The following RSKR variants were observed in gnomAD, a reference collection of about 807,000 sequenced individuals.
RSKR encodes ribosomal protein S6 kinase-related protein.
A neutral mutation model predicts 56.8 loss-of-function variants in RSKR; 44 were observed. That is an observed-to-expected ratio of 0.77 (90% CI 0.61 to 1.00). The LOEUF (loss-of-function observed/expected upper bound fraction) is 1.00, where lower values mean the gene tolerates loss of function less well. RSKR is among the 50% of genes least tolerant of loss of function. The pLI is 0.00. For missense variants in RSKR, 510 were observed against 506.9 expected (o/e 1.01, Z -0.06); for synonymous variants, 181 against 188.0 (o/e 0.96, Z 0.30).
In RSKR at chr17:28,610,307, G is replaced by A. The variant is rs1178135505; in HGVS notation, c.*171C>T. On this transcript the variant is annotated 3_prime_UTR_variant, in exon 12 of 12. Coordinates refer to ENST00000301037, the MANE Select transcript of RSKR (RefSeq NM_001174103.2). ...TAGGGAAGGAATAGGGCCAGCTGTG[G>A]CTGCCAGTAGCAGAATGTCCAGGTT... 3.2e-6 allele frequency: 2 copies of A among 621,356 alleles called. No individual in the cohort carries two copies. The highest frequency in any genetic ancestry group is 3.7e-5 in the African/African-American group (2 of 54,202). The allele number at this position is 621,356 out of a possible 1,614,324, so 38.5% of individuals were successfully genotyped here.
Position 28,613,266 on chromosome 17 carries a change from A to G in RSKR, c.404T>C (p.Val135Ala). 1 of 1,614,168 alleles carries G rather than the reference A, an allele frequency of 6.2e-7. No homozygotes were observed. The highest frequency in any genetic ancestry group is 8.5e-7 in the Non-Finnish European group (1 of 1,180,022). ...LDCTQKAVFAVKVVPKVKVLQ... is the reference protein window; with the variant it reads ...LDCTQKAVFAAKVVPKVKVLQ... ...ATGTGGTATCTACGCCCCTACCTTC[A>G]CTGCAAATACAGCTTTCTGGGTGCA... Residue 135 changes from valine (V) to alanine (A), a missense_variant, in exon 3 of 12, where the codon GTG becomes GCG. By Grantham distance (64) the Val-to-Ala change is moderately conservative (BLOSUM62 0). Coordinates refer to ENST00000301037, the MANE Select transcript of RSKR (RefSeq NM_001174103.2).
chr17:28,610,843 G>C, intron 11 of RSKR, 144 bp from the exon 12 acceptor site: 2 of 864,094 alleles, frequency 2.3e-6, no homozygotes, highest in South Asian at 1.8e-5. Flanking sequence ...AAAAGAGGGA[G>C]AAATAGAGGC....
rs1034217849 is a variant in RSKR at position 28,611,236 on chromosome 17, C to T, written c.918G>A (p.Glu306=). Reference sequence around the variant, plus strand: ...TTGCCAACATGGCCACATGATCTCTCTCTGCAGCCACTGGAAACTGAGTTA... The same window carrying T: ...TTGCCAACATGGCCACATGATCTCTTTCTGCAGCCACTGGAAACTGAGTTA... ...LATGKFPVAA[E]RDHVAMLASV... The change falls in exon 11 of 12, where the codon GAG becomes GAA. Residue 306 remains glutamate (E), a synonymous_variant. Coordinates refer to ENST00000301037, the MANE Select transcript of RSKR (RefSeq NM_001174103.2). 58 of 1,536,034 alleles carry T rather than the reference C, an allele frequency of 3.8e-5. No individual in the cohort carries two copies. The highest frequency in any genetic ancestry group is 4.2e-5 in the Non-Finnish European group (48 of 1,146,806).
chr17:28,610,919 C>T, intron 11 of RSKR: 1 of 651,996 alleles, frequency 1.5e-6, no homozygotes, highest in Non-Finnish European at 2.6e-6. Context: ...GTACAGTGTT[C>T]CACTCTCTCA....
chr17:28,611,948 A>G (rs1287338980), intron 7 of RSKR, 96 bp downstream of exon 7: 4 of 1,613,060 alleles, frequency 2.5e-6, no homozygotes, highest in African/African-American at 2.7e-5. Flanking sequence ...GGGGGCCCCA[A>G]TGTCTACAGT....
In RSKR at chr17:28,612,648, T is replaced by C. The variant is rs147269427; in HGVS notation, c.517A>G (p.Ser173Gly). The change falls in exon 5 of 12, where the codon AGC becomes GGC. Residue 173 changes from serine to glycine, a missense_variant. Physicochemically the swap from Ser to Gly is moderately conservative, Grantham distance 56. Coordinates refer to ENST00000301037, the MANE Select transcript of RSKR (RefSeq NM_001174103.2). Reference sequence around the variant, plus strand: ...AAAAGGTGCCGTTTTCCCTGCCAGCTGTCCCCCAAGCTGTGTACAAAGGGA... The same window carrying C: ...AAAAGGTGCCGTTTTCCCTGCCAGCCGTCCCCCAAGCTGTGTACAAAGGGA... ...NHPFVHSLGDSWQGKRHLFIM... is the reference protein window; with the variant it reads ...NHPFVHSLGDGWQGKRHLFIM... 2,970 of 1,614,180 alleles carry C rather than the reference T, an allele frequency of 1.8e-3. 18 individuals carry two copies. Among genetic ancestry groups the C allele is most frequent in the South Asian group, 4.8e-3 (438 of 91,082 alleles).
At chr17:28,613,781 A>AC in intron 1 of RSKR, 93 bp from the exon 2 acceptor site, 2 of 1,541,352 alleles carry the variant, frequency 1.3e-6, no homozygotes, top group Non-Finnish European at 1.7e-6. Context: ...TTAAGTCTCA[A>AC]CCCCTAGAGG....
chr17:28,613,757 G>A, intron 1 of RSKR, 69 bp from the exon 2 acceptor site: 1 of 1,590,848 alleles, frequency 6.3e-7, no homozygotes, highest in Admixed American at 1.7e-5. Flanking sequence ...CATCTTACTA[G>A]GCACTCCCTC....
In RSKR at chr17:28,613,534, T is replaced by G; in HGVS notation, c.230A>C (p.Glu77Ala). Residue 77 changes from glutamate (E) to alanine (A), a missense_variant, in exon 2 of 12, where the codon GAG becomes GCG. Physicochemically the swap from Glu to Ala is moderately radical, Grantham distance 107. Transcript: ENST00000301037. ...CACTGGCCACTCTGGCAGAGGCTTC[T>G]CTACCAGTACTGGGGCTGGCTTTAG... is the stretch of plus-strand genomic sequence containing the variant. Reference protein sequence around the residue: ...ESLKPAPVLVEKPLPEWPVPQ... With the variant: ...ESLKPAPVLVAKPLPEWPVPQ... 5.6e-6 allele frequency: 9 copies of G among 1,614,226 alleles called. No homozygotes were observed. Among genetic ancestry groups the G allele is most frequent in the Non-Finnish European group, 7.6e-6 (9 of 1,180,036 alleles).
rs753887431 is a variant in RSKR at position 28,612,603 on chromosome 17, A to T, written c.547+15T>A. On this transcript the variant is annotated intron_variant, in intron 5 of 11. Transcript: ENST00000301037. ...CAAAGACCCTGGGGGATGAGGAGAG[A>T]GTCCAGTCACTCACTAATGAAAAGG... 6.2e-7 allele frequency: 1 copy of T among 1,613,532 alleles called. No homozygotes were observed. Among genetic ancestry groups the T allele is most frequent in the Non-Finnish European group, 8.5e-7 (1 of 1,179,484 alleles).
At position 28,610,375 on chromosome 17, in the gene RSKR, C is replaced by T; in HGVS notation, c.*103G>A. 1 of 1,085,262 alleles carries T rather than the reference C, an allele frequency of 9.2e-7. No individual in the cohort carries two copies. The highest frequency in any genetic ancestry group is 2.8e-4 in the Middle Eastern group (1 of 3,636). 67.2% of individuals were successfully genotyped at this position (1,085,262 alleles called of 1,614,324 possible). ...CCTAGGAGAGCAGAACGGTAAGAGG[C>T]TACAAAATAAAAACAAACTGGATTA... On this transcript the variant is annotated 3_prime_UTR_variant, in exon 12 of 12. Coordinates refer to ENST00000301037, the MANE Select transcript of RSKR (RefSeq NM_001174103.2).
Position 28,611,162 on chromosome 17 carries a change from A to G in RSKR, c.992T>C (p.Leu331Pro), listed in dbSNP as rs1024947197. ...CCTTACCTCATGGAGCAGGAGTGAG[A>G]GGCCCTGGTTAAGAGAAGCTGGGAT... is the stretch of plus-strand genomic sequence containing the variant. ...SEIPASLNQG[L>P]SLLLHELLCQ... is the part of the protein sequence containing the mutation. Residue 331 changes from leucine to proline, a missense_variant, in exon 11 of 12, where the codon CTC becomes CCC. By Grantham distance (98) the Leu-to-Pro change is moderately conservative. Coordinates refer to ENST00000301037, the MANE Select transcript of RSKR (RefSeq NM_001174103.2). 6 of 1,536,312 alleles carry G rather than the reference A, an allele frequency of 3.9e-6. No homozygotes were observed. Among genetic ancestry groups the G allele is most frequent in the Non-Finnish European group, 5.2e-6 (6 of 1,146,860 alleles).
intron 11 of RSKR, 100 bp downstream of exon 11, chr17:28,611,043 C>T: frequency 8.9e-7 from 1 of 1,121,330 alleles, no homozygotes; most frequent in Non-Finnish European, 1.3e-6. Context: ...GGAGCCCCCT[C>T]AAAAAAACTG....
At chr17:28,610,726 G>T (rs763127770) in intron 11 of RSKR, 27 bp from the exon 12 acceptor site, 130 of 1,529,196 alleles carry the variant, frequency 8.5e-5, no homozygotes, top group Admixed American at 2.0e-5. Context: ...CATGAAGGAT[G>T]AGTGACTAGG....
Position 28,608,345 on chromosome 17 carries a change from T to C in RSKR, c.*2133A>G, listed in dbSNP as rs2070770121. 1 of 152,190 alleles carries C rather than the reference T, an allele frequency of 6.6e-6. No homozygotes were observed. The highest frequency in any genetic ancestry group is 1.9e-4 in the East Asian group (1 of 5,204). The allele number at this position is 152,190 out of a possible 1,614,324, so 9.4% of individuals were successfully genotyped here. On this transcript the variant is annotated 3_prime_UTR_variant, in exon 12 of 12. Transcript: ENST00000301037. ...GTTACGATAAACACCCTTTACAGTA[T>C]CCACAGCAATTAAATTTATTTTTTT... is the stretch of plus-strand genomic sequence containing the variant.
intron 10 of RSKR, 70 bp from the exon 11 acceptor site, chr17:28,611,323 C>T (rs1567633050): frequency 3.9e-6 from 6 of 1,530,118 alleles, no homozygotes; most frequent in Non-Finnish European, 4.4e-6. Context: ...GGCAAGATTT[C>T]CTAAGGTCTT....
At position 28,608,853 on chromosome 17, in the gene RSKR, T is replaced by C. The variant is rs1321597601; in HGVS notation, c.*1625A>G. On this transcript the variant is annotated 3_prime_UTR_variant, in exon 12 of 12. Transcript: ENST00000301037. ...AGAGATTAGATGTAACTAAATAATA[T>C]GGTCTAGATTAAAACTTACTTTCCC... 1 of 151,990 alleles carries C rather than the reference T, an allele frequency of 6.6e-6. No individual in the cohort carries two copies. The highest frequency in any genetic ancestry group is 1.9e-4 in the East Asian group (1 of 5,190). The allele number at this position is 151,990 out of a possible 1,614,324, so 9.4% of individuals were successfully genotyped here. A position where few individuals can be genotyped will look rare whatever the true frequency, so the allele number is the denominator to read the frequency against.
chr17:28,610,617 T>C lies in RSKR; in HGVS notation c.1094A>G (p.Asp365Gly). Residue 365 changes from aspartate (D) to glycine (G), a missense_variant, in exon 12 of 12, where the codon GAC becomes GGC. Coordinates refer to ENST00000301037, the MANE Select transcript of RSKR (RefSeq NM_001174103.2). ...TGGCTGCTTCTGTAGGAGCTCTGGG[T>C]CGAAGGCCACACCCCGAAAGAAAGG... Reference protein sequence around the residue: ...VHPFFRGVAFDPELLQKQPVN... With the variant: ...VHPFFRGVAFGPELLQKQPVN... The C allele has an allele frequency of 3.3e-6, 5 of 1,535,892 alleles. No individual in the cohort carries two copies. The Admixed American group carries it at 5.9e-5, about 18-fold the overall frequency.
rs2070788102 is a variant in RSKR, at chr17:28,609,869, A to G, written c.*609T>C. 1 of 152,214 alleles carries G rather than the reference A, an allele frequency of 6.6e-6. No individual in the cohort carries two copies. The highest frequency in any genetic ancestry group is 2.4e-5 in the African/African-American group (1 of 41,298). 9.4% of individuals were successfully genotyped at this position (152,214 alleles called of 1,614,324 possible). ...GGAGTTTGAGATCAGCCTGGCCAAC[A>G]TGGTGAACCCTGTCTCTACTAAAAA... On this transcript the variant is annotated 3_prime_UTR_variant, in exon 12 of 12. Transcript: ENST00000301037.
Sources: allele counts gnomAD v4.1 joint callset, GRCh38; gene constraint gnomAD v4.1.1; transcripts MANE v1.5; gene names NCBI Gene and HGNC (gene_info 2026-07-23, HGNC 2026-07-21).